The following CHODL variants were observed in gnomAD, a reference collection of about 807,000 sequenced individuals.
CHODL encodes chondrolectin.
A neutral mutation model predicts 34.5 loss-of-function variants in CHODL; 29 were observed. That is an observed-to-expected ratio of 0.84 (90% CI 0.63 to 1.15). CHODL has a LOEUF of 1.15. Ranked by LOEUF, CHODL falls within the 50% of genes most tolerant of loss-of-function variation. CHODL has a pLI of 0.00. For missense variants in CHODL, 332 were observed against 332.5 expected, an observed-to-expected ratio of 1.00 and a Z score of 0.01; for synonymous variants, 125 against 116.1, an observed-to-expected ratio of 1.08 and a Z score of -0.49.
At chr21:18,058,744 G>A (rs1386210427) in intron 2 of CHODL, among the ~76,000 whole-genome samples, 1 of 152,098 alleles carries the variant, frequency 6.6e-6, no homozygotes, top group Non-Finnish European at 1.5e-5. Context: ...GAGCTCATGA[G>A]CATCTAACAT....
chr21:18,227,417 A>G (rs2073940542), intron 2 of CHODL, among the ~76,000 whole-genome samples: 1 of 152,186 alleles, frequency 6.6e-6, no homozygotes, highest in Non-Finnish European at 1.5e-5. Context: ...ATTTTAAAAC[A>G]TTGTTTAAAC....
intron 2 of CHODL, among the ~76,000 whole-genome samples, chr21:18,054,616 A>ATGTTGGTGTAAGGG (rs2064556746): frequency 6.6e-6 from 1 of 151,968 alleles, no homozygotes; most frequent in African/African-American, 2.4e-5. Flanking sequence ...GTAAGGATGG[A>ATGTTGGTGTAAGGG]TAAAAAGATG....
intron 2 of CHODL, among the ~76,000 whole-genome samples, chr21:18,106,539 A>T (rs1271483170): frequency 7.1e-6 from 1 of 141,608 alleles, no homozygotes; most frequent in Non-Finnish European, 1.5e-5. Flanking sequence ...TCTGTCGCCC[A>T]GGCTGGAGTG....
chr21:18,129,892 CTGTGTGTG>C (rs150557806), intron 2 of CHODL, among the ~76,000 whole-genome samples: 31,946 of 140,528 alleles, frequency 0.23, 3,752 homozygotes, highest in East Asian at 0.52. Context: ...CTGTCTTTCT[CTGTGTGTG>C]TGTGTGTGTG....
At chr21:18,147,164 C>G (rs1235229218) in intron 2 of CHODL, among the ~76,000 whole-genome samples, 1 of 152,188 alleles carries the variant, frequency 6.6e-6, no homozygotes, top group African/African-American at 2.4e-5. Context: ...TCCTCTTCCT[C>G]CTGTGTTTGG....
At chr21:18,098,432 C>A (rs928482518) in intron 2 of CHODL, among the ~76,000 whole-genome samples, 28 of 151,804 alleles carry the variant, frequency 1.8e-4, no homozygotes, top group African/African-American at 5.6e-4. Context: ...AAAAGACATA[C>A]AAATGGCAAA....
intron 1 of CHODL, among the ~76,000 whole-genome samples, chr21:17,959,674 CT>C (rs1311249739): frequency 6.6e-6 from 1 of 152,008 alleles, no homozygotes; most frequent in Non-Finnish European, 1.5e-5. Flanking sequence ...TCTTATTTTT[CT>C]TTTTTACTTT....
rs73892834 is a variant in CHODL, at chr21:18,024,492, G to A, written c.-144-3380G>A. On this transcript the variant is annotated intron_variant, in intron 1 of 6. Transcript: ENST00000400127. ...GTATAATGAAATTTCTGCCTGATTC[G>A]TGAGCAAATCCAAGGATGTTCTCAA... Among the ~76,000 whole-genome samples, 1,108 of 152,270 alleles carry A rather than the reference G, an allele frequency of 7.3e-3. 17 individuals carry two copies. Among genetic ancestry groups the A allele is most frequent in the African/African-American group, 0.025 (1,044 of 41,560 alleles).
At chr21:17,962,479 G>A (rs2063539081) in intron 1 of CHODL, among the ~76,000 whole-genome samples, 1 of 152,116 alleles carries the variant, frequency 6.6e-6, no homozygotes, top group Admixed American at 6.5e-5. Flanking sequence ...TCTTCCAGGA[G>A]TCTGATACAG....
intron 2 of CHODL, among the ~76,000 whole-genome samples, chr21:18,119,490 A>G (rs1046461957): frequency 6.6e-6 from 1 of 152,310 alleles, no homozygotes; most frequent in Admixed American, 6.5e-5. Flanking sequence ...GGGGTTGCTT[A>G]TCAAATGGTC....
intron 2 of CHODL, among the ~76,000 whole-genome samples, chr21:18,061,566 A>G (rs548954248): frequency 8.1e-4 from 124 of 152,194 alleles, no homozygotes; most frequent in African/African-American, 2.9e-3. Flanking sequence ...AATCAAACTC[A>G]AAATAGCAAA....
chr21:18,225,051 T>C (rs993014643), intron 2 of CHODL, among the ~76,000 whole-genome samples: 2 of 152,178 alleles, frequency 1.3e-5, no homozygotes, highest in Non-Finnish European at 2.9e-5. Flanking sequence ...GTGTACAGTA[T>C]GTTATAATTC....
In CHODL at chr21:17,936,343, AAAAT is replaced by A. The variant is rs1054714961; in HGVS notation, c.-145+18948_-145+18951del. ...ATAACCTTAATGATTTTGGTTTGAGAAAATAAATCATCAAAATGAGGAAGCAAGG... is the reference window on the plus strand; with the variant it reads ...ATAACCTTAATGATTTTGGTTTGAGAAAATCATCAAAATGAGGAAGCAAGG... On this transcript the variant is annotated intron_variant, in intron 1 of 6. Transcript: ENST00000400127. Among the ~76,000 whole-genome samples the A allele has an allele frequency of 5.3e-5, 8 of 152,328 alleles. No homozygotes were observed. In the East Asian group the frequency reaches 1.5e-3, roughly 29 times the overall value.
chr21:18,181,730 A>G (rs532940369), intron 2 of CHODL, among the ~76,000 whole-genome samples: 1 of 152,232 alleles, frequency 6.6e-6, no homozygotes, highest in South Asian at 2.1e-4. Context: ...GGCAACCACT[A>G]ATCTTCATTC....
At chr21:18,136,250 A>T (rs2072726802) in intron 2 of CHODL, among the ~76,000 whole-genome samples, 1 of 152,206 alleles carries the variant, frequency 6.6e-6, no homozygotes, top group African/African-American at 2.4e-5. Flanking sequence ...AAAAAGAGGA[A>T]TGAAATGCAC....
chr21:18,252,558 T>C (rs2074270475), intron 1 of CHODL, among the ~76,000 whole-genome samples: 1 of 152,108 alleles, frequency 6.6e-6, no homozygotes, highest in African/African-American at 2.4e-5. Context: ...CTGCTTCTGA[T>C]GATTTTGCTG....
intron 2 of CHODL, among the ~76,000 whole-genome samples, chr21:18,136,050 C>A (rs1025060796): frequency 7.7e-6 from 1 of 129,388 alleles, no homozygotes; most frequent in Non-Finnish European, 1.5e-5. Flanking sequence ...GAGGTTGCAG[C>A]GAGCTGAGCT....
At chr21:17,962,269 T>C (rs941490437) in intron 1 of CHODL, among the ~76,000 whole-genome samples, 6 of 152,248 alleles carry the variant, frequency 3.9e-5, no homozygotes, top group Non-Finnish European at 7.3e-5. Context: ...AGCATATAAA[T>C]AGCTAAATAG....
At chr21:17,975,682 C>T (rs781088654) in intron 1 of CHODL, among the ~76,000 whole-genome samples, 1 of 152,154 alleles carries the variant, frequency 6.6e-6, no homozygotes. Flanking sequence ...GTACTATTTA[C>T]TGGAAAACTC....
Sources: allele counts gnomAD v4.1 joint callset (sites outside exome capture counted in the v4.1 genomes callset), GRCh38; gene constraint gnomAD v4.1.1; transcripts MANE v1.5; gene names NCBI Gene and HGNC (gene_info 2026-07-23, HGNC 2026-07-21).